The following SLC25A26 variants were observed in gnomAD, a reference collection of about 807,000 sequenced individuals.
SLC25A26 encodes mitochondrial S-adenosylmethionine carrier protein.
SLC25A26 carries 36 observed loss-of-function variants against 37.8 expected under a neutral mutation model. The ratio of observed to expected loss-of-function variants is 0.95; its 90% CI spans 0.73 to 1.26. SLC25A26 has a LOEUF of 1.26. SLC25A26 is among the 50% of genes most tolerant of loss of function. The pLI is 0.00. For synonymous variants in SLC25A26, 129 were observed against 122.5 expected (o/e 1.05, Z -0.35); for missense variants, 390 against 331.1 (o/e 1.18, Z -1.38).
chr3:66,301,512 A>G (rs1243357584), intron 5 of SLC25A26, among the ~76,000 whole-genome samples: 5 of 152,310 alleles, frequency 3.3e-5, no homozygotes, highest in Non-Finnish European at 4.4e-5. Context: ...TTTTTATGTA[A>G]GCAGAAGCCA....
At chr3:66,371,314 C>T in intron 9 of SLC25A26, 1 of 1,550,084 alleles carries the variant, frequency 6.5e-7, no homozygotes, top group Non-Finnish European at 8.7e-7. Context: ...GCCACCTCCT[C>T]ATCCTGATGC....
intron 5 of SLC25A26, among the ~76,000 whole-genome samples, chr3:66,273,576 TACAAA>T (rs1192553219): frequency 6.6e-6 from 1 of 152,138 alleles, no homozygotes; most frequent in Non-Finnish European, 1.5e-5. Context: ...AAAATCAATG[TACAAA>T]AATCACAAGC....
At chr3:66,186,205 C>T (rs1280039327) in intron 1 of SLC25A26, among the ~76,000 whole-genome samples, 1 of 151,704 alleles carries the variant, frequency 6.6e-6, no homozygotes, top group South Asian at 2.1e-4. Flanking sequence ...TTATCCTAAA[C>T]ATGACCCTCA....
intron 7 of SLC25A26, among the ~76,000 whole-genome samples, chr3:66,364,323 A>G (rs890675103): frequency 1.3e-5 from 2 of 152,198 alleles, no homozygotes; most frequent in Non-Finnish European, 2.9e-5. Context: ...GGAACTTCCT[A>G]TCAGACATCC....
At chr3:66,309,982 T>G (rs1022670160) in intron 5 of SLC25A26, among the ~76,000 whole-genome samples, 10 of 152,180 alleles carry the variant, frequency 6.6e-5, no homozygotes, top group Admixed American at 6.5e-4. Context: ...TCTGTTGATT[T>G]GGGGTGGAGA....
chr3:66,282,225 A>G (rs2074369980), intron 5 of SLC25A26, among the ~76,000 whole-genome samples: 1 of 151,352 alleles, frequency 6.6e-6, no homozygotes, highest in African/African-American at 2.4e-5. Flanking sequence ...GTTAGCCAGG[A>G]TGGTCTCGAT....
intron 7 of SLC25A26, among the ~76,000 whole-genome samples, chr3:66,363,360 A>G (rs912818555): frequency 6.6e-6 from 1 of 152,152 alleles, no homozygotes; most frequent in Non-Finnish European, 1.5e-5. Flanking sequence ...AGCACTGTAG[A>G]TTAACTAGTG....
At chr3:66,342,762 T>C (rs1390540397) in intron 5 of SLC25A26, among the ~76,000 whole-genome samples, 2 of 152,240 alleles carry the variant, frequency 1.3e-5, no homozygotes, top group Non-Finnish European at 2.9e-5. Context: ...TATAGAATTA[T>C]TGCTCTGTTT....
intron 9 of SLC25A26, among the ~76,000 whole-genome samples, chr3:66,375,565 AAG>A (rs1227334014): frequency 2.8e-4 from 43 of 152,340 alleles, no homozygotes; most frequent in African/African-American, 8.4e-4. Context: ...TAGAGCCTTT[AAG>A]AATGGTGCTA....
chr3:66,319,064 C>G (rs17824582), intron 5 of SLC25A26, among the ~76,000 whole-genome samples: 23,045 of 152,186 alleles, frequency 0.15, 2,043 homozygotes, highest in Non-Finnish European at 0.2. Context: ...GGCTATAGAA[C>G]AAACAGTAAA....
intron 1 of SLC25A26, among the ~76,000 whole-genome samples, chr3:66,173,541 G>T (rs1285418050): frequency 2.6e-5 from 4 of 152,320 alleles, no homozygotes; most frequent in African/African-American, 9.6e-5. Context: ...TACATCATCT[G>T]TAAGGTGCCT....
At chr3:66,134,832 T>TA (rs975231998) in intron 1 of SLC25A26, among the ~76,000 whole-genome samples, 6 of 151,816 alleles carry the variant, frequency 4.0e-5, no homozygotes, top group South Asian at 2.1e-4. Context: ...TTCCTTTATT[T>TA]TTTTTTTTAT....
At chr3:66,192,618 A>G (rs2070968513) in intron 1 of SLC25A26, among the ~76,000 whole-genome samples, 2 of 152,244 alleles carry the variant, frequency 1.3e-5, no homozygotes, top group South Asian at 4.1e-4. Context: ...TAGTAGTACA[A>G]TCAGGCTCGG....
At chr3:66,268,613 T>C (rs1237430127) in intron 5 of SLC25A26, among the ~76,000 whole-genome samples, 1 of 152,190 alleles carries the variant, frequency 6.6e-6, no homozygotes, top group African/African-American at 2.4e-5. Flanking sequence ...CAGTACGTGC[T>C]CAGGAAATGT....
chr3:66,226,606 C>T lies in SLC25A26; in HGVS notation c.33+5479C>T, dbSNP rs187905470. Among the ~76,000 whole-genome samples, 149 of 152,198 alleles carry T rather than the reference C, an allele frequency of 9.8e-4. 2 individuals carry two copies. In the East Asian group the frequency reaches 0.017, roughly 18 times the overall value. Reference sequence around the variant, plus strand: ...TGGGACTAGAGGCATGCACCAACCACGCCTGGCTAATTTTTTAATTAAAAA... The same window carrying T: ...TGGGACTAGAGGCATGCACCAACCATGCCTGGCTAATTTTTTAATTAAAAA... On this transcript the variant is annotated intron_variant, in intron 1 of 9. Coordinates refer to ENST00000354883, the MANE Select transcript of SLC25A26 (RefSeq NM_001379210.1).
chr3:66,248,412 C>G (rs1467375336), intron 3 of SLC25A26, among the ~76,000 whole-genome samples: 1 of 152,130 alleles, frequency 6.6e-6, no homozygotes, highest in Non-Finnish European at 1.5e-5. Context: ...AGAAAAAGCC[C>G]TTTGGGAAGT....
chr3:66,348,742 G>A (rs1368690392), intron 6 of SLC25A26, among the ~76,000 whole-genome samples: 2 of 152,190 alleles, frequency 1.3e-5, no homozygotes, highest in Non-Finnish European at 2.9e-5. Context: ...CTGATTTTAA[G>A]GCGTAGTATT....
At chr3:66,277,024 A>G (rs2074175279) in intron 5 of SLC25A26, among the ~76,000 whole-genome samples, 2 of 151,750 alleles carry the variant, frequency 1.3e-5, no homozygotes, top group Non-Finnish European at 2.9e-5. Flanking sequence ...TCCGATCAAG[A>G]TACCTGAATG....
At chr3:66,243,145 T>C in intron 2 of SLC25A26, 58 bp from the exon 3 acceptor site, 1 of 800,206 alleles carries the variant, frequency 1.2e-6, no homozygotes, top group East Asian at 2.5e-5. Flanking sequence ...AACATGTTTC[T>C]TAACAGTGTG....
Sources: allele counts gnomAD v4.1 joint callset (sites outside exome capture counted in the v4.1 genomes callset), GRCh38; gene constraint gnomAD v4.1.1; transcripts MANE v1.5; gene names NCBI Gene and HGNC (gene_info 2026-07-23, HGNC 2026-07-21).